The following APTX variants were observed in gnomAD, a reference collection of about 807,000 sequenced individuals.
APTX encodes aprataxin.
A neutral mutation model predicts 42.3 loss-of-function variants in APTX; 33 were observed. That is an observed-to-expected ratio of 0.78 (90% CI 0.59 to 1.04). APTX has a LOEUF of 1.04. Ranked by LOEUF, APTX falls within the 50% of genes least tolerant of loss-of-function variation. The probability of loss-of-function intolerance (pLI) is 0.00; values close to 1 mark genes in which losing one functional copy is unlikely to be tolerated. For synonymous variants in APTX, 130 were observed against 146.7 expected, an observed-to-expected ratio of 0.89 and a Z score of 0.82; for missense variants, 421 against 415.1, an observed-to-expected ratio of 1.01 and a Z score of -0.12.
At chr9:33,023,607 A>T (rs1401715430) in intron 1 of APTX, among the ~76,000 whole-genome samples, 1 of 152,260 alleles carries the variant, frequency 6.6e-6, no homozygotes, top group African/African-American at 2.4e-5. Context: ...TTAAACAAAA[A>T]ACTTTATACC....
chr9:33,019,058 C>T (rs1220812629), intron 1 of APTX, among the ~76,000 whole-genome samples: 2 of 152,146 alleles, frequency 1.3e-5, no homozygotes, highest in African/African-American at 4.8e-5. Context: ...AAAGAACGAA[C>T]TTTAGTTAAT....
intron 7 of APTX, 53 bp downstream of exon 7, chr9:32,974,405 T>C: frequency 2.5e-6 from 3 of 1,186,966 alleles, no homozygotes; most frequent in Non-Finnish European, 3.8e-6. Context: ...AAATCAAATA[T>C]AAGAACAGCT....
chr9:33,019,746 C>A, intron 1 of APTX: 1 of 587,224 alleles, frequency 1.7e-6, no homozygotes. Flanking sequence ...GTCCGCACCA[C>A]CAGAGAAAGA....
At chr9:33,000,963 T>G (rs1287173261) in intron 1 of APTX, among the ~76,000 whole-genome samples, 1 of 147,194 alleles carries the variant, frequency 6.8e-6, no homozygotes, top group East Asian at 2.1e-4. Flanking sequence ...GTCTCCTGCC[T>G]CACCCTCCCG....
chr9:32,989,721 A>G, intron 2 of APTX, 38 bp downstream of exon 2: 1 of 1,613,988 alleles, frequency 6.2e-7, no homozygotes, highest in African/African-American at 1.3e-5. Context: ...ACTATCCCAC[A>G]TAACCATAGT....
chr9:33,017,918 A>G (rs1202322643), intron 1 of APTX, among the ~76,000 whole-genome samples: 2 of 140,488 alleles, frequency 1.4e-5, no homozygotes, highest in African/African-American at 2.8e-5. Context: ...TAGTTGCCCT[A>G]GCAACCAGCG....
chr9:33,000,648 GA>G (rs1563990383), intron 1 of APTX, among the ~76,000 whole-genome samples: 4 of 95,500 alleles, frequency 4.2e-5, no homozygotes, highest in African/African-American at 1.5e-4. Context: ...AAAAAAAAAA[GA>G]AAAGAAAAGA....
At chr9:33,000,946 C>G (rs1219905284) in intron 1 of APTX, among the ~76,000 whole-genome samples, 1 of 144,710 alleles carries the variant, frequency 6.9e-6, no homozygotes, top group African/African-American at 2.5e-5. Context: ...CTCCCGGGTT[C>G]AAGAACGTCT....
chr9:33,004,630 C>CAGTTTT (rs1836994019), upstream of APTX, among the ~76,000 whole-genome samples: 7 of 125,710 alleles, frequency 5.6e-5, no homozygotes, highest in Non-Finnish European at 1.1e-4. Context: ...CTTGCCAACC[C>CAGTTTT]TTTTTTTTTT....
At chr9:32,975,994 C>T (rs140272355) in intron 6 of APTX, among the ~76,000 whole-genome samples, 214 of 152,254 alleles carry the variant, frequency 1.4e-3, no homozygotes, top group African/African-American at 4.8e-3. Flanking sequence ...GTACTCCAAG[C>T]GTACCGTAAG....
chr9:33,016,188 A>T (rs1435563243), intron 1 of APTX: 1 of 152,248 alleles, frequency 6.6e-6, no homozygotes, highest in Non-Finnish European at 1.5e-5. Context: ...TTTCAGGTAT[A>T]TTCCCAACCT....
intron 1 of APTX, among the ~76,000 whole-genome samples, chr9:32,993,956 C>T (rs1324722564): frequency 2.9e-5 from 4 of 140,242 alleles, no homozygotes; most frequent in Admixed American, 7.6e-5. Flanking sequence ...TGATGTCAGG[C>T]GATCCGCCCA....
chr9:33,013,912 A>C (rs991897527), intron 1 of APTX, among the ~76,000 whole-genome samples: 10 of 152,218 alleles, frequency 6.6e-5, no homozygotes, highest in Non-Finnish European at 1.3e-4. Flanking sequence ...ACCAGGAAGA[A>C]AGACTTTTAC....
At chr9:32,995,882 C>T (rs150448407) in intron 1 of APTX, among the ~76,000 whole-genome samples, 1,899 of 134,498 alleles carry the variant, frequency 0.014, 20 homozygotes, top group Non-Finnish European at 0.024. Context: ...AGCGAGTCTC[C>T]GTCTCAAAAA....
intron 1 of APTX, among the ~76,000 whole-genome samples, chr9:32,996,027 G>A (rs1834827877): frequency 6.6e-6 from 1 of 152,078 alleles, no homozygotes; most frequent in Admixed American, 6.6e-5. Flanking sequence ...AGGCTCAGGT[G>A]ACTATTAGCA....
intron 1 of APTX, 136 bp downstream of exon 1, chr9:33,001,431 A>G (rs1450996124): frequency 6.5e-7 from 1 of 1,549,004 alleles, no homozygotes; most frequent in African/African-American, 1.4e-5. Context: ...AGGACGGAGA[A>G]AGCAGCCGTG....
At chr9:33,022,142 T>A (rs1380127040) in intron 1 of APTX, among the ~76,000 whole-genome samples, 3 of 151,750 alleles carry the variant, frequency 2.0e-5, no homozygotes, top group South Asian at 2.1e-4. Flanking sequence ...GGCCGAAAAA[T>A]ATATATATAG....
At chr9:32,987,339 C>T (rs1475101652) in intron 4 of APTX, among the ~76,000 whole-genome samples, 1 of 152,158 alleles carries the variant, frequency 6.6e-6, no homozygotes, top group Non-Finnish European at 1.5e-5. Flanking sequence ...ATTGTTGTAC[C>T]TTCAGGTGGC....
At chr9:33,018,977 T>C (rs112807276) in intron 1 of APTX, among the ~76,000 whole-genome samples, 80 of 152,280 alleles carry the variant, frequency 5.3e-4, no homozygotes, top group African/African-American at 1.8e-3. Context: ...AGAGATATGA[T>C]AACTCAAAGT....
Sources: allele counts gnomAD v4.1 joint callset (sites outside exome capture counted in the v4.1 genomes callset), GRCh38; gene constraint gnomAD v4.1.1; transcripts MANE v1.5; gene names NCBI Gene and HGNC (gene_info 2026-07-23, HGNC 2026-07-21).